Variants in ADGRF1 observed in about 807,000 individuals in gnomAD.
ADGRF1 encodes the protein adhesion G protein-coupled receptor F1, also known as G protein-coupled receptor 110.
A neutral mutation model predicts 87.2 loss-of-function variants in ADGRF1; 85 were observed. The observed-to-expected ratio is 0.97, with a 90% CI of 0.82 to 1.17. ADGRF1 has a LOEUF of 1.17. ADGRF1 is among the 50% of genes most tolerant of loss of function. The pLI, the probability that ADGRF1 is intolerant of heterozygous loss-of-function variation, is 0.00. For missense variants in ADGRF1, 1,169 were observed against 1,077.2 expected, an observed-to-expected ratio of 1.09 and a Z score of -1.19; for synonymous variants, 430 against 408.8, an observed-to-expected ratio of 1.05 and a Z score of -0.63.
rs1254000611 is a variant in ADGRF1 at position 47,005,796 on chromosome 6, A to T, written c.2592+21T>A. On this transcript the variant is annotated intron_variant, in intron 13 of 14. Coordinates refer to ENST00000371253, the MANE Select transcript of ADGRF1 (RefSeq NM_153840.4). ...AACTGGAACTTCATGTATTGGATTC[A>T]TGGCAGTAGGAGATAATTACCTTTT... The T allele has an allele frequency of 1.9e-6, 3 of 1,585,312 alleles. No homozygotes were observed. The Admixed American group carries it at 5.1e-5, about 27-fold the overall frequency.
At position 46,999,863 on chromosome 6, in the gene ADGRF1, C is replaced by T. The variant is rs754991007; in HGVS notation, c.*359G>A. ...CCTATTAATTTATCTAAAGCTATTT[C>T]ATAAAATTTTCTTCCTTCAATCCAG... is the stretch of plus-strand genomic sequence containing the variant. On this transcript the variant is annotated 3_prime_UTR_variant, in exon 15 of 15. Transcript: ENST00000371253. 1.2e-4 allele frequency: 20 copies of T among 160,194 alleles called. No individual in the cohort carries two copies. Among genetic ancestry groups the T allele is most frequent in the Non-Finnish European group, 2.0e-4 (15 of 73,480 alleles). The allele number at this position is 160,194 out of a possible 1,614,324, so 9.9% of individuals were successfully genotyped here.
Position 47,029,065 on chromosome 6 carries a change from C to T in ADGRF1, c.-4G>A, listed in dbSNP as rs764917519. On this transcript the variant is annotated 5_prime_UTR_variant, in exon 2 of 15. Transcript: ENST00000371253. ...GCCACAGCACTCCAACTTTCATTTT[C>T]CCTGGACTGAACAGCAGCAGTCGGG... 1 of 1,613,784 alleles carries T rather than the reference C, an allele frequency of 6.2e-7. No homozygotes were observed. Among genetic ancestry groups the T allele is most frequent in the Non-Finnish European group, 8.5e-7 (1 of 1,179,674 alleles).
rs189510900 is a variant in ADGRF1, at chr6:47,019,576, C to G, written c.611+1155G>C. 2.0e-4 allele frequency: 57 copies of G among 284,346 alleles called. 1 individual carries two copies. The East Asian group carries it at 5.7e-3, about 28-fold the overall frequency. The allele number at this position is 284,346 out of a possible 1,614,324, so 17.6% of individuals were successfully genotyped here. On this transcript the variant is annotated intron_variant, in intron 7 of 14. Coordinates refer to ENST00000371253, the MANE Select transcript of ADGRF1 (RefSeq NM_153840.4). ...GCACATGCCTGTAGTCCCAGCTACT[C>G]GGGAGGCTGAGGAAGGAGGATAGCG...
At chr6:47,025,790 A>G (rs1582176779) in intron 4 of ADGRF1, 64 bp downstream of exon 4, 1 of 1,435,504 alleles carries the variant, frequency 7.0e-7, no homozygotes. Context: ...GCATAACCCA[A>G]CCTAGCCTGA....
At chr6:47,033,024 G>A (rs573586323) in intron 1 of ADGRF1, among the ~76,000 whole-genome samples, 5 of 152,130 alleles carry the variant, frequency 3.3e-5, no homozygotes, top group South Asian at 2.1e-4. Context: ...TATTTTCATC[G>A]CTTCCCTTCC....
In ADGRF1 at chr6:47,010,251, CG is replaced by C. The variant is rs755917985; in HGVS notation, c.1183del (p.Arg395GlyfsTer11). The C allele has an allele frequency of 6.2e-7, 1 of 1,613,698 alleles. No homozygotes were observed. Among genetic ancestry groups the C allele is most frequent in the African/African-American group, 1.3e-5 (1 of 74,904 alleles). On this transcript the variant is annotated frameshift_variant, in exon 11 of 15. Coordinates refer to ENST00000371253, the MANE Select transcript of ADGRF1 (RefSeq NM_153840.4). LOFTEE classifies it high-confidence loss of function. The stretch of plus-strand genomic sequence containing the variant: ...CCGTGAGCTGGCATACTTTTCTTCC[CG>C]CAGTAAGACTGTCCAGTTGGTTACT... ...ASVTNWTVLL[R>X]EEKYASSRLL...
At chr6:47,008,570 T>TA (rs1406106719) in intron 11 of ADGRF1, among the ~76,000 whole-genome samples, 1 of 152,212 alleles carries the variant, frequency 6.6e-6, no homozygotes, top group Non-Finnish European at 1.5e-5. Flanking sequence ...TATTGCACCC[T>TA]AGGAAATTCC....
chr6:47,029,242 C>G, intron 1 of ADGRF1, 138 bp from the exon 2 acceptor site: 2 of 591,692 alleles, frequency 3.4e-6, no homozygotes, highest in African/African-American at 3.7e-5. Context: ...TCCACGGAAC[C>G]TGTGACATCA....
chr6:47,016,728 T>G lies in ADGRF1; in HGVS notation c.652A>C (p.Ser218Arg), dbSNP rs761460564. ...GCTGACAGCAGTTCAGATGCACTGC[T>G]GGAGCCAACAACTTCATACCCAGCA... ...IVAGYEVVGSSSASELLSAIE... is the reference protein window; with the variant it reads ...IVAGYEVVGSRSASELLSAIE... Residue 218 changes from serine (S) to arginine (R), a missense_variant, in exon 8 of 15, where the codon AGC becomes CGC. By Grantham distance (110) the Ser-to-Arg change is moderately radical. Transcript: ENST00000371253. 3 of 1,604,760 alleles carry G rather than the reference T, an allele frequency of 1.9e-6. No homozygotes were observed. The highest frequency in any genetic ancestry group is 2.6e-6 in the Non-Finnish European group (3 of 1,172,872).
In ADGRF1 at chr6:46,999,938, A is replaced by G. The variant is rs1779314938; in HGVS notation, c.*284T>C. 3.9e-6 allele frequency: 1 copy of G among 255,614 alleles called. No homozygotes were observed. Among genetic ancestry groups the G allele is most frequent in the African/African-American group, 2.2e-5 (1 of 45,326 alleles). The allele number at this position is 255,614 out of a possible 1,614,324, so 15.8% of individuals were successfully genotyped here. On this transcript the variant is annotated 3_prime_UTR_variant, in exon 15 of 15. Transcript: ENST00000371253. ...ATGCTGTTTTATGAAAATAGAAACC[A>G]TATTTTATGGTCAGGGTACAACTGA...
intron 2 of ADGRF1, among the ~76,000 whole-genome samples, chr6:47,028,178 C>T (rs543741781): frequency 6.6e-6 from 1 of 152,164 alleles, no homozygotes; most frequent in South Asian, 2.1e-4. Context: ...ATCCTGAAGC[C>T]CCATTGAGAA....
chr6:46,998,491 T>C lies in ADGRF1; in HGVS notation c.*1731A>G, dbSNP rs1465106805. 6.6e-6 allele frequency: 1 copy of C among 152,158 alleles called. No homozygotes were observed. The highest frequency in any genetic ancestry group is 1.5e-5 in the Non-Finnish European group (1 of 68,076). The allele number at this position is 152,158 out of a possible 1,614,324, so 9.4% of individuals were successfully genotyped here. ...CTATGGTTCATGGGAAACACACACA[T>C]CCATTGCCCTGACAAACACTAGACA... is the stretch of plus-strand genomic sequence containing the variant. On this transcript the variant is annotated 3_prime_UTR_variant, in exon 15 of 15. Coordinates refer to ENST00000371253, the MANE Select transcript of ADGRF1 (RefSeq NM_153840.4).
chr6:47,026,723 C>T (rs2113900495), intron 3 of ADGRF1, among the ~76,000 whole-genome samples: 1 of 152,236 alleles, frequency 6.6e-6, no homozygotes, highest in Admixed American at 6.5e-5. Flanking sequence ...TCAAGGTCCC[C>T]CGAAGCTCAC....
At position 47,010,174 on chromosome 6, in the gene ADGRF1, G is replaced by A; in HGVS notation, c.1261C>T (p.Pro421Ser). The A allele has an allele frequency of 1.9e-6, 3 of 1,614,138 alleles. No homozygotes were observed. The highest frequency in any genetic ancestry group is 2.5e-6 in the Non-Finnish European group (3 of 1,180,016). The change falls in exon 11 of 15, where the codon CCT (proline) becomes TCT (serine). Residue 421 changes from proline to serine, a missense_variant. Transcript: ENST00000371253. ...ATGAATTTCCGAGAAAAATTCAGAG[G>A]AAGAGCTGTCGGAGGCACCAGAGTG... is the stretch of plus-strand genomic sequence containing the variant. ...ISTLVPPTAL[P>S]LNFSRKFIDW...
Position 46,999,960 on chromosome 6 carries a change from C to A in ADGRF1, c.*262G>T. On this transcript the variant is annotated 3_prime_UTR_variant, in exon 15 of 15. Coordinates refer to ENST00000371253, the MANE Select transcript of ADGRF1 (RefSeq NM_153840.4). ...ACCATATTTTATGGTCAGGGTACAA[C>A]TGACACGATTTCCAACAAAACCTAC... is the stretch of plus-strand genomic sequence containing the variant. The A allele has an allele frequency of 2.7e-6, 1 of 374,632 alleles. No individual in the cohort carries two copies. Among genetic ancestry groups the A allele is most frequent in the Non-Finnish European group, 4.9e-6 (1 of 202,746 alleles). 23.2% of individuals were successfully genotyped at this position (374,632 alleles called of 1,614,324 possible).
intron 10 of ADGRF1, among the ~76,000 whole-genome samples, chr6:47,010,996 G>C (rs921412885): frequency 2.0e-5 from 3 of 152,180 alleles, no homozygotes; most frequent in African/African-American, 7.2e-5. Context: ...CTGGCTGCAA[G>C]CATCTGTCAC....
At chr6:47,025,178 G>C (rs1780190404) in intron 4 of ADGRF1, among the ~76,000 whole-genome samples, 1 of 152,076 alleles carries the variant, frequency 6.6e-6, no homozygotes, top group African/African-American at 2.4e-5. Flanking sequence ...AAGAACCAGG[G>C]CAAAGTCACC....
At chr6:47,018,079 T>G in intron 7 of ADGRF1, 1 of 203,520 alleles carries the variant, frequency 4.9e-6, no homozygotes, top group South Asian at 8.1e-5. Flanking sequence ...AAGGGGAGAG[T>G]CAGAGGATTC....
intron 1 of ADGRF1, among the ~76,000 whole-genome samples, chr6:47,038,590 G>A (rs1261637890): frequency 6.6e-6 from 1 of 152,018 alleles, no homozygotes; most frequent in African/African-American, 2.4e-5. Flanking sequence ...TCTTTGTGTT[G>A]GGAACATTGA....
Sources: allele counts gnomAD v4.1 joint callset (sites outside exome capture counted in the v4.1 genomes callset), GRCh38; gene constraint gnomAD v4.1.1; transcripts MANE v1.5; gene names NCBI Gene and HGNC (gene_info 2026-07-23, HGNC 2026-07-21).